INTS8: variants seen among roughly 807,000 people sequenced by gnomAD.
The protein encoded by INTS8 is integrator complex subunit 8.
In INTS8, 47 loss-of-function variants were observed where a neutral mutation model predicts 138.9. The observed-to-expected ratio is 0.34, with a 90% confidence interval of 0.27 to 0.43. INTS8 has a LOEUF of 0.43. Ranked by LOEUF, INTS8 falls within the 20% of genes least tolerant of loss-of-function variation. The pLI, the probability that INTS8 is intolerant of heterozygous loss-of-function variation, is 1.00. For synonymous variants in INTS8, 392 were observed against 400.9 expected, an observed-to-expected ratio of 0.98 and a Z score of 0.27; for missense variants, 996 against 1,173.0, an observed-to-expected ratio of 0.85 and a Z score of 2.20.
chr8:94,838,249 A>G (rs1318249954), intron 7 of INTS8, among the ~76,000 whole-genome samples: 1 of 151,830 alleles, frequency 6.6e-6, no homozygotes, highest in African/African-American at 2.4e-5. Flanking sequence ...ACAGGGTTTC[A>G]TCATCTTGGC....
chr8:94,830,316 G>A (rs1165507260), intron 5 of INTS8, among the ~76,000 whole-genome samples: 1 of 152,204 alleles, frequency 6.6e-6, no homozygotes, highest in African/African-American at 2.4e-5. Context: ...GTGAGGTGTA[G>A]GGGCTGGGTG....
chr8:94,851,042 G>T (rs1426194656), intron 12 of INTS8, among the ~76,000 whole-genome samples: 1 of 152,188 alleles, frequency 6.6e-6, no homozygotes, highest in Non-Finnish European at 1.5e-5. Context: ...AGAAATGCTG[G>T]AAATGCATTA....
chr8:94,853,595 T>G (rs1293826838), intron 13 of INTS8, among the ~76,000 whole-genome samples: 1 of 152,208 alleles, frequency 6.6e-6, no homozygotes, highest in Non-Finnish European at 1.5e-5. Context: ...TTCCTAATAG[T>G]AATCCCAGTC....
At chr8:94,846,220 C>A (rs1201689869) in intron 10 of INTS8, among the ~76,000 whole-genome samples, 1 of 152,094 alleles carries the variant, frequency 6.6e-6, no homozygotes, top group African/African-American at 2.4e-5. Context: ...TGTATGCAGT[C>A]ATCTGTGAAG....
chr8:94,862,104 G>C (rs1278589352), intron 16 of INTS8, among the ~76,000 whole-genome samples: 1 of 151,448 alleles, frequency 6.6e-6, no homozygotes, highest in Non-Finnish European at 1.5e-5. Flanking sequence ...CCACACCCGG[G>C]TAGTTTTTTT....
chr8:94,842,893 C>G (rs1269964004), intron 10 of INTS8, among the ~76,000 whole-genome samples: 2 of 152,192 alleles, frequency 1.3e-5, no homozygotes, highest in Non-Finnish European at 2.9e-5. Context: ...ATCTGTGTTT[C>G]TACTGGATCA....
intron 13 of INTS8, among the ~76,000 whole-genome samples, chr8:94,853,513 CTTACCTTGATATTGTTGTGA>C (rs907668932): frequency 2.9e-4 from 44 of 152,232 alleles, no homozygotes; most frequent in Admixed American, 2.6e-3. Flanking sequence ...CATAATAGTA[CTTACCTTGATATTGTTGTGA>C]GGATTACCTG....
intron 20 of INTS8, among the ~76,000 whole-genome samples, chr8:94,870,211 C>G (rs1364406045): frequency 6.6e-6 from 1 of 152,066 alleles, no homozygotes; most frequent in East Asian, 1.9e-4. Flanking sequence ...ACCACCATGC[C>G]TGGCTAATTT....
At chr8:94,875,875 T>C (rs774531913) in intron 23 of INTS8, 199 bp from the exon 24 acceptor site, 1 of 501,730 alleles carries the variant, frequency 2.0e-6, no homozygotes, top group Non-Finnish European at 3.6e-6. Flanking sequence ...CTAAAATTTG[T>C]GGTTGAGGTC....
At position 94,841,550 on chromosome 8, in the gene INTS8, A is replaced by G. The variant is rs770371545; in HGVS notation, c.1077A>G (p.Arg359=). ...CCTTGAGTTTACCTGTCCAGTTCCG[A>G]CAGTCAGTCCTAAGAGAACTCTTTA... The part of the protein sequence containing the change: ...NLTLSLPVQF[R]QSVLRELFKK... The change falls in exon 9 of 27, where the codon CGA becomes CGG. Residue 359 remains arginine, a synonymous_variant. Coordinates refer to ENST00000523731, the MANE Select transcript of INTS8 (RefSeq NM_017864.4). 6.8e-6 allele frequency: 11 copies of G among 1,608,756 alleles called. No individual in the cohort carries two copies. The highest frequency in any genetic ancestry group is 7.6e-6 in the Non-Finnish European group (9 of 1,176,648).
chr8:94,845,133 GTGT>G (rs1815286824), intron 10 of INTS8, among the ~76,000 whole-genome samples: 1 of 152,034 alleles, frequency 6.6e-6, no homozygotes, highest in Non-Finnish European at 1.5e-5. Context: ...TGATTTCTGT[GTGT>G]TGTTTAAGAA....
chr8:94,866,510 C>G (rs753222551), intron 18 of INTS8, among the ~76,000 whole-genome samples: 1 of 152,096 alleles, frequency 6.6e-6, no homozygotes, highest in Admixed American at 6.5e-5. Context: ...GTTTCTAACT[C>G]CTGGTCTCAA....
intron 8 of INTS8, among the ~76,000 whole-genome samples, chr8:94,841,012 A>G (rs561274606): frequency 1.3e-4 from 20 of 151,530 alleles, no homozygotes; most frequent in Non-Finnish European, 2.5e-4. Context: ...TCCTGAGTTC[A>G]AGCAGTTCTC....
chr8:94,827,574 C>A, intron 3 of INTS8, 148 bp from the exon 4 acceptor site: 2 of 1,002,570 alleles, frequency 2.0e-6, no homozygotes, highest in Non-Finnish European at 3.0e-6. Context: ...GAAAAGCAAT[C>A]TGATAAAAAT....
At chr8:94,875,725 C>T (rs532155919) in intron 23 of INTS8, among the ~76,000 whole-genome samples, 56 of 152,180 alleles carry the variant, frequency 3.7e-4, no homozygotes, top group African/African-American at 1.2e-3. Context: ...CCAAAATGAG[C>T]GTCTATACTT....
intron 15 of INTS8, among the ~76,000 whole-genome samples, chr8:94,857,476 TG>T (rs571278597): frequency 1.6e-3 from 239 of 152,362 alleles, no homozygotes; most frequent in African/African-American, 5.5e-3. Flanking sequence ...TGTTCATTTC[TG>T]GGATTTCTGT....
chr8:94,836,591 C>G lies in INTS8; in HGVS notation c.821C>G (p.Ala274Gly). The G allele has an allele frequency of 2.5e-6, 4 of 1,613,568 alleles. No homozygotes were observed. Among genetic ancestry groups the G allele is most frequent in the Non-Finnish European group, 3.4e-6 (4 of 1,179,702 alleles). ...ACAAATTCAGCTGTCTATGAAAATG[C>G]CAGGGAAAAATTTTTTAGAACCAAA... ...GSTNSAVYENAREKFFRTKEL... is the reference protein window; with the variant it reads ...GSTNSAVYENGREKFFRTKEL... The change falls in exon 7 of 27, where the codon GCC (alanine) becomes GGC (glycine). Residue 274 changes from alanine to glycine, a missense_variant. Transcript: ENST00000523731.
intron 1 of INTS8, among the ~76,000 whole-genome samples, chr8:94,824,584 A>T (rs4500055): frequency 0.43 from 65,625 of 151,894 alleles, 14,800 homozygotes; most frequent in East Asian, 0.65. Flanking sequence ...TATTTGCAGA[A>T]CCAGAAATCT....
rs376751042 is a variant in INTS8 at position 94,832,187 on chromosome 8, T to C, written c.753+13T>C. On this transcript the variant is annotated intron_variant, in intron 6 of 26. Coordinates refer to ENST00000523731, the MANE Select transcript of INTS8 (RefSeq NM_017864.4). ...AATGCAGTGCCAGGTATTCATTTGA[T>C]ACTTAATTTACGTAGGGCAATTTTT... 440 of 1,600,936 alleles carry C rather than the reference T, an allele frequency of 2.7e-4. 2 individuals carry two copies. In the African/African-American group the frequency reaches 5.2e-3, roughly 19 times the overall value.
Sources: allele counts gnomAD v4.1 joint callset (sites outside exome capture counted in the v4.1 genomes callset), GRCh38; gene constraint gnomAD v4.1.1; transcripts MANE v1.5; gene names NCBI Gene and HGNC (gene_info 2026-07-23, HGNC 2026-07-21).